SNED1: variants seen among roughly 807,000 people sequenced by gnomAD.
The protein encoded by SNED1 is sushi, nidogen and EGF-like domain-containing protein 1.
SNED1 carries 81 observed loss-of-function variants against 166.7 expected under a neutral mutation model. The observed-to-expected ratio is 0.49, with a 90% confidence interval of 0.41 to 0.58. The LOEUF (loss-of-function observed/expected upper bound fraction) is 0.58. Ranked by LOEUF, SNED1 falls within the 20% of genes least tolerant of loss-of-function variation. The probability of loss-of-function intolerance (pLI) is 0.00; values close to 1 mark genes in which losing one functional copy is unlikely to be tolerated. For missense variants in SNED1, 1,604 were observed against 2,000.2 expected, an observed-to-expected ratio of 0.80 and a Z score of 3.78; for synonymous variants, 762 against 822.0, an observed-to-expected ratio of 0.93 and a Z score of 1.25.
Position 240,998,835 on chromosome 2 carries a change from G to C in SNED1, c.-3G>C. The C allele has an allele frequency of 8.3e-7, 1 of 1,197,912 alleles. No individual in the cohort carries two copies. The highest frequency in any genetic ancestry group is 1.0e-6 in the Non-Finnish European group (1 of 967,226). The allele number at this position is 1,197,912 out of a possible 1,614,324, so 74.2% of individuals were successfully genotyped here. A position where few individuals can be genotyped will look rare whatever the true frequency, so the allele number is the denominator to read the frequency against. The stretch of plus-strand genomic sequence containing the variant: ...CGCCCCGTCCCGCCCGCACACCTCC[G>C]CGATGCGGCACGGCGTCGCCTGGGC... On this transcript the variant is annotated 5_prime_UTR_variant, in exon 1 of 32. Transcript: ENST00000310397.
At chr2:241,040,482 C>T in intron 8 of SNED1, 69 bp downstream of exon 8, 1 of 962,546 alleles carries the variant, frequency 1.0e-6, no homozygotes, top group Non-Finnish European at 1.5e-6. Flanking sequence ...CCCCCATAGC[C>T]ACTTTCCCCT....
rs2108485 is a variant in SNED1, at chr2:241,082,327, G to T, written c.4084G>T (p.Ala1362Ser). The T allele has an allele frequency of 0.2, 329,814 of 1,612,610 alleles. 48,370 individuals carry two copies. Among genetic ancestry groups the T allele is most frequent in the African/African-American group, 0.68 (50,913 of 74,860 alleles). Reference protein sequence around the residue: ...PCTRLFSETKAFPVWEGGVCH... With the variant: ...PCTRLFSETKSFPVWEGGVCH... The stretch of plus-strand genomic sequence containing the variant: ...CACAAGGCTGTTCTCCGAGACAAAG[G>T]CCTTTCCAGTCTGGGAGGGAGGCGT... The change falls in exon 29 of 32, where the codon GCC becomes TCC. Residue 1362 changes from alanine to serine, a missense_variant. By Grantham distance (99) the Ala-to-Ser change is moderately conservative. Around this residue, in one of 2 missense-constraint regions of SNED1, gnomAD observed 367 missense variants for 379.4 expected, o/e 0.97. Transcript: ENST00000310397.
intron 14 of SNED1, 98 bp downstream of exon 14, chr2:241,052,255 G>T: frequency 6.9e-7 from 1 of 1,439,220 alleles, no homozygotes; most frequent in Non-Finnish European, 9.7e-7. Flanking sequence ...AGGCCCTGGA[G>T]GCGCAGGAGG....
chr2:241,054,421 T>C (rs1236743791), intron 16 of SNED1, among the ~76,000 whole-genome samples: 1 of 152,106 alleles, frequency 6.6e-6, no homozygotes, highest in African/African-American at 2.4e-5. Context: ...ATTTAAAAAC[T>C]AGCCCGGCGT....
Position 241,031,170 on chromosome 2 carries a change from CT to C in SNED1, c.501+611del, listed in dbSNP as rs111980166. ...TGTTTGTTCATGCATTTAATAAACA[CT>C]TTTTTTTTTTTGAGATGGCGTCTTG... is the stretch of plus-strand genomic sequence containing the variant. On this transcript the variant is annotated intron_variant, in intron 2 of 31. Coordinates refer to ENST00000310397, the MANE Select transcript of SNED1 (RefSeq NM_001080437.3). Among the ~76,000 whole-genome samples, 249 of 147,080 alleles carry C rather than the reference CT, an allele frequency of 1.7e-3. 2 individuals are homozygous for C. Among genetic ancestry groups the C allele is most frequent in the South Asian group, 4.3e-3 (20 of 4,650 alleles).
chr2:241,048,504 C>T (rs900899730), intron 9 of SNED1, 64 bp downstream of exon 9: 9 of 1,540,704 alleles, frequency 5.8e-6, no homozygotes, highest in African/African-American at 4.1e-5. Context: ...GAGGGCCTTC[C>T]TGTGGGTGCA....
At position 241,063,974 on chromosome 2, in the gene SNED1, C is replaced by T. The variant is rs189409532; in HGVS notation, c.2486-38C>T. The T allele has an allele frequency of 5.2e-4, 742 of 1,438,642 alleles. 1 individual carries two copies. Among genetic ancestry groups the T allele is most frequent in the Middle Eastern group, 3.3e-3 (19 of 5,700 alleles). 89.1% of individuals were successfully genotyped at this position (1,438,642 alleles called of 1,614,324 possible). ...CCTCTCCTCCCTCCCCCAGACTCCCCCCTTGCAGCTTGGGCCCACTCTCTG... is the reference window on the plus strand; with the variant it reads ...CCTCTCCTCCCTCCCCCAGACTCCCTCCTTGCAGCTTGGGCCCACTCTCTG... On this transcript the variant is annotated intron_variant, in intron 18 of 31. Transcript: ENST00000310397.
intron 30 of SNED1, 118 bp from the exon 31 acceptor site, chr2:241,088,247 C>T (rs886372816): frequency 1.2e-5 from 9 of 758,288 alleles, no homozygotes; most frequent in African/African-American, 1.7e-5. Context: ...TGTCCCCCAC[C>T]GTGGAATGTA....
intron 16 of SNED1, among the ~76,000 whole-genome samples, chr2:241,054,269 C>G (rs987410456): frequency 1.3e-5 from 2 of 152,160 alleles, no homozygotes; most frequent in Non-Finnish European, 2.9e-5. Context: ...ATCGAGACAC[C>G]TGAAAAGTAC....
chr2:241,057,927 A>G (rs1302257209), intron 16 of SNED1, among the ~76,000 whole-genome samples: 2 of 152,220 alleles, frequency 1.3e-5, no homozygotes, highest in African/African-American at 2.4e-5. Flanking sequence ...AAAGGAGAAA[A>G]AAGTAATCAG....
chr2:241,035,009 T>A (rs942960890), intron 4 of SNED1, among the ~76,000 whole-genome samples: 7 of 151,392 alleles, frequency 4.6e-5, no homozygotes, highest in African/African-American at 1.7e-4. Context: ...CACACTGCTG[T>A]GGGTTGGAGG....
At chr2:241,086,655 C>T (rs1299890575) in intron 29 of SNED1, among the ~76,000 whole-genome samples, 1 of 152,202 alleles carries the variant, frequency 6.6e-6, no homozygotes, top group Admixed American at 6.5e-5. Flanking sequence ...GTTACTCTTT[C>T]ATGTCCAGAA....
At chr2:241,008,602 A>G (rs955527845) in intron 1 of SNED1, among the ~76,000 whole-genome samples, 2 of 152,182 alleles carry the variant, frequency 1.3e-5, no homozygotes, top group African/African-American at 4.8e-5. Context: ...TACATCATCT[A>G]CGGGGACCAG....
At chr2:241,012,203 C>T (rs759229929) in intron 1 of SNED1, among the ~76,000 whole-genome samples, 52 of 152,322 alleles carry the variant, frequency 3.4e-4, no homozygotes, top group African/African-American at 1.1e-3. Context: ...CCAGGGACCT[C>T]GGCCACAGCG....
Position 241,012,867 on chromosome 2 carries a change from G to A in SNED1, c.213+13817G>A, listed in dbSNP as rs930384355. ...GTTGTTGTTTTTGAGATGGAGTCTCGCTCTTTCGCCCAGGCTGGAGTGCAG... is the reference window on the plus strand; with the variant it reads ...GTTGTTGTTTTTGAGATGGAGTCTCACTCTTTCGCCCAGGCTGGAGTGCAG... On this transcript the variant is annotated intron_variant, in intron 1 of 31. Coordinates refer to ENST00000310397, the MANE Select transcript of SNED1 (RefSeq NM_001080437.3). 4.2e-5 allele frequency among the ~76,000 whole-genome samples: 6 copies of A among 141,534 alleles called. 1 individual carries two copies. Among genetic ancestry groups the A allele is most frequent in the South Asian group, 4.4e-4 (2 of 4,554 alleles). 92.9% of individuals were successfully genotyped at this position (141,534 alleles called of 152,430 possible).
At chr2:241,043,006 T>C (rs982327) in intron 8 of SNED1, among the ~76,000 whole-genome samples, 29,825 of 151,870 alleles carry the variant, frequency 0.2, 3,716 homozygotes, top group African/African-American at 0.34. Context: ...GGGATCCATG[T>C]ATGTGCAGTC....
intron 1 of SNED1, among the ~76,000 whole-genome samples, chr2:241,028,543 A>G (rs1443558771): frequency 1.3e-5 from 2 of 152,212 alleles, no homozygotes; most frequent in African/African-American, 4.8e-5. Flanking sequence ...TGTTAAAAAG[A>G]CTGTCCTTTC....
chr2:241,071,912 G>T, intron 26 of SNED1, 34 bp downstream of exon 26: 1 of 1,525,706 alleles, frequency 6.6e-7, no homozygotes, highest in South Asian at 1.2e-5. Context: ...CACCTTGGTG[G>T]CCCACCCTCG....
At chr2:241,008,179 G>T (rs546889760) in intron 1 of SNED1, among the ~76,000 whole-genome samples, 1 of 152,358 alleles carries the variant, frequency 6.6e-6, no homozygotes, top group African/African-American at 2.4e-5. Flanking sequence ...GGCGTGGCAG[G>T]AATGCAGACC....
Sources: allele counts gnomAD v4.1 joint callset (sites outside exome capture counted in the v4.1 genomes callset), GRCh38; gene constraint gnomAD v4.1.1; regional missense constraint gnomAD v4.1.1; transcripts MANE v1.5; gene names NCBI Gene and HGNC (gene_info 2026-07-23, HGNC 2026-07-21).